DLG2: variants seen among roughly 807,000 people sequenced by gnomAD.
DLG2 encodes the protein disks large homolog 2.
Under a neutral mutation model 132.5 loss-of-function variants are expected in DLG2, and 45 were observed. That is an observed-to-expected ratio of 0.34 (90% CI 0.27 to 0.44). The LOEUF is 0.44. Among genes scored for constraint, DLG2 ranks in the 20% least tolerant of loss-of-function variants. The pLI is 1.00. For synonymous variants in DLG2, 424 were observed against 419.6 expected (o/e 1.01, Z -0.13); for missense variants, 1,045 against 1,196.9 (o/e 0.87, Z 1.87).
At chr11:85,358,958 C>T (rs997016034) in intron 3 of DLG2, among the ~76,000 whole-genome samples, 2 of 152,092 alleles carry the variant, frequency 1.3e-5, no homozygotes, top group Non-Finnish European at 2.9e-5. Context: ...GAACTCACTA[C>T]TCTGCGCTTT....
intron 10 of DLG2, among the ~76,000 whole-genome samples, chr11:84,064,488 C>T (rs1473270730): frequency 6.6e-6 from 1 of 152,174 alleles, no homozygotes; most frequent in African/African-American, 2.4e-5. Context: ...TCTGTGACTA[C>T]AGACAAGTCA....
chr11:84,889,045 G>T (rs537489610), intron 6 of DLG2, among the ~76,000 whole-genome samples: 1 of 152,192 alleles, frequency 6.6e-6, no homozygotes, highest in Non-Finnish European at 1.5e-5. Context: ...TTGGCATAAG[G>T]CCTCAATAAT....
At chr11:83,590,509 A>G (rs1163521910) in intron 19 of DLG2, among the ~76,000 whole-genome samples, 1 of 152,102 alleles carries the variant, frequency 6.6e-6, no homozygotes, top group African/African-American at 2.4e-5. Flanking sequence ...AGGGAAATTT[A>G]TAGCACTAAA....
intron 6 of DLG2, among the ~76,000 whole-genome samples, chr11:84,983,758 G>T (rs962249997): frequency 6.6e-6 from 1 of 152,094 alleles, no homozygotes; most frequent in Non-Finnish European, 1.5e-5. Context: ...AATACAAGAA[G>T]TGAAGGAAGA....
intron 3 of DLG2, among the ~76,000 whole-genome samples, chr11:85,395,464 A>G (rs2087237413): frequency 6.6e-6 from 1 of 152,152 alleles, no homozygotes; most frequent in South Asian, 2.1e-4. Flanking sequence ...TGCCTCAAAC[A>G]GGAAGTGCAA....
At chr11:83,853,864 C>T (rs2060134884) in intron 16 of DLG2, among the ~76,000 whole-genome samples, 1 of 152,092 alleles carries the variant, frequency 6.6e-6, no homozygotes, top group South Asian at 2.1e-4. Context: ...CGTCATCATA[C>T]TGCAAGTTCT....
intron 10 of DLG2, among the ~76,000 whole-genome samples, chr11:84,097,695 CT>C (rs1170953333): frequency 5.3e-5 from 8 of 152,224 alleles, no homozygotes; most frequent in Admixed American, 2.6e-4. Context: ...TATTTATTTA[CT>C]TACTCAAAAA....
intron 15 of DLG2, among the ~76,000 whole-genome samples, chr11:83,904,360 A>G (rs1247323320): frequency 6.7e-6 from 1 of 150,280 alleles, no homozygotes; most frequent in Non-Finnish European, 1.5e-5. Context: ...TATAAAAATT[A>G]GTGTTATAAG....
chr11:83,730,244 G>A (rs1199607346), intron 18 of DLG2, among the ~76,000 whole-genome samples: 1 of 140,384 alleles, frequency 7.1e-6, no homozygotes, highest in African/African-American at 2.7e-5. Flanking sequence ...ACATTTTCCT[G>A]TTAATACCTC....
chr11:83,797,820 G>A (rs911964164), intron 17 of DLG2, among the ~76,000 whole-genome samples: 9 of 152,100 alleles, frequency 5.9e-5, no homozygotes, highest in Admixed American at 4.6e-4. Flanking sequence ...ACCCGGCCGC[G>A]TTTGCATTCT....
intron 9 of DLG2, among the ~76,000 whole-genome samples, chr11:84,128,393 G>T (rs976881656): frequency 6.6e-6 from 1 of 152,006 alleles, no homozygotes; most frequent in Admixed American, 6.6e-5. Flanking sequence ...AAGTGATAAG[G>T]TATTTTTATA....
intron 11 of DLG2, among the ~76,000 whole-genome samples, chr11:83,986,017 T>G (rs147789062): frequency 1.3e-5 from 2 of 152,060 alleles, no homozygotes; most frequent in Admixed American, 1.3e-4. Context: ...CAGTGTCTGT[T>G]GTTTTTTTGA....
At chr11:84,828,350 G>C (rs2078606115) in intron 6 of DLG2, among the ~76,000 whole-genome samples, 1 of 151,828 alleles carries the variant, frequency 6.6e-6, no homozygotes, top group South Asian at 2.1e-4. Context: ...AAGGATGGAG[G>C]AAGATACTCA....
chr11:85,499,794 A>G (rs2093754263), intron 3 of DLG2, among the ~76,000 whole-genome samples: 2 of 152,178 alleles, frequency 1.3e-5, no homozygotes, highest in African/African-American at 2.4e-5. Flanking sequence ...AGTTCAACAT[A>G]TGCAAATCAA....
chr11:83,493,845 T>A lies in DLG2; in HGVS notation c.2194-9617A>T, dbSNP rs150492475. On this transcript the variant is annotated intron_variant, in intron 21 of 27. Transcript: ENST00000376104. ...TTTCAAGTTGACCAATTATTCATCA[T>A]GTGTGGAGCTGTTCTTAGGGAGGGA... Among the ~76,000 whole-genome samples the A allele has an allele frequency of 3.1e-4, 47 of 152,300 alleles. No individual in the cohort carries two copies. The South Asian group carries it at 7.5e-3, about 24-fold the overall frequency.
At chr11:84,402,422 C>A in intron 7 of DLG2, among the ~76,000 whole-genome samples, 1 of 152,034 alleles carries the variant, frequency 6.6e-6, no homozygotes, top group Non-Finnish European at 1.5e-5. Context: ...TAAGTGGCAA[C>A]ATAGATTATA....
chr11:85,128,937 A>G (rs554957350), intron 5 of DLG2, among the ~76,000 whole-genome samples: 1 of 152,248 alleles, frequency 6.6e-6, no homozygotes, highest in East Asian at 1.9e-4. Flanking sequence ...TACTTTACAT[A>G]CTCCACCACA....
intron 3 of DLG2, among the ~76,000 whole-genome samples, chr11:85,561,110 G>C (rs1032125598): frequency 6.0e-5 from 9 of 150,806 alleles, no homozygotes; most frequent in African/African-American, 2.2e-4. Context: ...AATCCCAGCA[G>C]TTTGGGAGGC....
At chr11:84,748,862 G>C (rs941566206) in intron 6 of DLG2, among the ~76,000 whole-genome samples, 2 of 152,118 alleles carry the variant, frequency 1.3e-5, no homozygotes, top group African/African-American at 4.8e-5. Context: ...ATTTATGGTA[G>C]AATTCCCATT....
Sources: allele counts gnomAD v4.1 joint callset (sites outside exome capture counted in the v4.1 genomes callset), GRCh38; gene constraint gnomAD v4.1.1; transcripts MANE v1.5; gene names NCBI Gene and HGNC (gene_info 2026-07-23, HGNC 2026-07-21).